Variants in KSR2 observed in about 807,000 individuals in gnomAD.
The protein encoded by KSR2 is kinase suppressor of ras 2.
KSR2 carries 25 observed loss-of-function variants against 107.8 expected under a neutral mutation model. That is an observed-to-expected ratio of 0.23 (90% CI 0.17 to 0.32). The LOEUF (loss-of-function observed/expected upper bound fraction) is 0.32. Among genes scored for constraint, KSR2 ranks in the 10% least tolerant of loss-of-function variants. The pLI is 1.00. For missense variants in KSR2, 887 were observed against 1,268.9 expected, an observed-to-expected ratio of 0.70 and a Z score of 4.57; for synonymous variants, 480 against 507.0, an observed-to-expected ratio of 0.95 and a Z score of 0.71.
intron 3 of KSR2, among the ~76,000 whole-genome samples, chr12:117,810,167 T>C (rs1891147324): frequency 6.6e-6 from 1 of 152,218 alleles, no homozygotes; most frequent in African/African-American, 2.4e-5. Flanking sequence ...TTGTTTTGTT[T>C]GTTTTGTTTT....
chr12:117,667,700 T>C, intron 4 of KSR2, 42 bp from the exon 5 acceptor site: 2 of 1,490,054 alleles, frequency 1.3e-6, no homozygotes, highest in Non-Finnish European at 1.8e-6. Flanking sequence ...AATATATCCA[T>C]AGGTGCACAA....
At chr12:117,828,168 C>T (rs942678939) in intron 3 of KSR2, among the ~76,000 whole-genome samples, 2 of 152,188 alleles carry the variant, frequency 1.3e-5, no homozygotes, top group African/African-American at 2.4e-5. Flanking sequence ...TTCACCGCTG[C>T]GTCCCCAGGG....
chr12:117,626,687 T>C (rs1253543263), intron 5 of KSR2, among the ~76,000 whole-genome samples: 2 of 152,192 alleles, frequency 1.3e-5, no homozygotes, highest in African/African-American at 4.8e-5. Flanking sequence ...CTCTGTTGAT[T>C]TGGGGTGGAG....
At chr12:117,582,993 A>G (rs1242363201) in intron 5 of KSR2, among the ~76,000 whole-genome samples, 2 of 152,228 alleles carry the variant, frequency 1.3e-5, no homozygotes, top group African/African-American at 4.8e-5. Context: ...ACTTATTTTA[A>G]AAAGCAAACC....
intron 6 of KSR2, 43 bp from the exon 7 acceptor site, chr12:117,579,245 C>G (rs373706846): frequency 8.0e-6 from 11 of 1,373,690 alleles, no homozygotes; most frequent in Non-Finnish European, 1.1e-5. Context: ...AAGGAAATGG[C>G]GACTGACCTA....
intron 5 of KSR2, among the ~76,000 whole-genome samples, chr12:117,591,318 C>T (rs1880298852): frequency 6.6e-6 from 1 of 152,120 alleles, no homozygotes; most frequent in African/African-American, 2.4e-5. Context: ...TCTATCAAAG[C>T]AGAGAGAAGA....
chr12:117,534,307 T>A lies in KSR2; in HGVS notation c.1688-2600A>T, dbSNP rs186892871. On this transcript the variant is annotated intron_variant, in intron 10 of 19. Coordinates refer to ENST00000339824, the MANE Select transcript of KSR2 (RefSeq NM_173598.6). ...AAAATCCTGCCAGGACCAGACCCTG[T>A]AGCTCTGAGTCTCTCTGGAGGCCAC... Among the ~76,000 whole-genome samples the A allele has an allele frequency of 1.9e-3, 297 of 152,312 alleles. 1 individual carries two copies. Among genetic ancestry groups the A allele is most frequent in the Middle Eastern group, 0.017 (5 of 294 alleles).
At chr12:117,660,579 G>A (rs1884394267) in intron 5 of KSR2, among the ~76,000 whole-genome samples, 1 of 152,086 alleles carries the variant, frequency 6.6e-6, no homozygotes, top group Non-Finnish European at 1.5e-5. Flanking sequence ...GATCACACCT[G>A]CCAACACCCT....
intron 5 of KSR2, among the ~76,000 whole-genome samples, chr12:117,595,058 AC>A (rs1371547254): frequency 6.6e-6 from 1 of 152,214 alleles, no homozygotes; most frequent in African/African-American, 2.4e-5. Context: ...AGGCTCAGTC[AC>A]CATGAAAGGA....
chr12:117,793,181 CCAAT>C (rs1890339544), intron 3 of KSR2, among the ~76,000 whole-genome samples: 1 of 138,842 alleles, frequency 7.2e-6, no homozygotes, highest in African/African-American at 2.9e-5. Flanking sequence ...TGTACACACA[CCAAT>C]GTGCACACAT....
rs1005579073 is a variant in KSR2, at chr12:117,455,566, C to T, written c.*11633G>A. On this transcript the variant is annotated 3_prime_UTR_variant, in exon 20 of 20. Coordinates refer to ENST00000339824, the MANE Select transcript of KSR2 (RefSeq NM_173598.6). ...ACTCCTCCCTCTCTTCATCGGACTC[C>T]TAGTACCCTGAAGGCAGCACCCACT... 1.3e-5 allele frequency: 2 copies of T among 152,176 alleles called. No individual in the cohort carries two copies. Among genetic ancestry groups the T allele is most frequent in the African/African-American group, 4.8e-5 (2 of 41,434 alleles). 9.4% of individuals were successfully genotyped at this position (152,176 alleles called of 1,614,324 possible). A position where few individuals can be genotyped will look rare whatever the true frequency, so the allele number is the denominator to read the frequency against.
chr12:117,692,988 G>A (rs972235095), intron 4 of KSR2, among the ~76,000 whole-genome samples: 3 of 152,180 alleles, frequency 2.0e-5, no homozygotes, highest in Non-Finnish European at 4.4e-5. Context: ...TGGTGGTTGT[G>A]CAACACTGTG....
intron 4 of KSR2, among the ~76,000 whole-genome samples, chr12:117,694,882 C>T (rs948100916): frequency 7.7e-6 from 1 of 129,886 alleles, no homozygotes; most frequent in Non-Finnish European, 1.6e-5. Context: ...TGGAGCCTCA[C>T]TCTGTTGCCT....
At chr12:117,565,147 T>C (rs1878390304) in intron 7 of KSR2, among the ~76,000 whole-genome samples, 1 of 152,192 alleles carries the variant, frequency 6.6e-6, no homozygotes, top group Non-Finnish European at 1.5e-5. Context: ...GGAATCCAAA[T>C]GCTGGCGTTC....
chr12:117,929,076 A>T (rs1193877765), intron 1 of KSR2, among the ~76,000 whole-genome samples: 1 of 152,242 alleles, frequency 6.6e-6, no homozygotes, highest in Non-Finnish European at 1.5e-5. Context: ...AAGTAGTTGT[A>T]TGACTTCAGA....
intron 5 of KSR2, among the ~76,000 whole-genome samples, chr12:117,628,570 G>A (rs1882647655): frequency 6.6e-6 from 1 of 152,128 alleles, no homozygotes; most frequent in Non-Finnish European, 1.5e-5. Flanking sequence ...CCTTCCTCTG[G>A]AAGCTTCGTC....
At chr12:117,859,391 C>T (rs2137240079) in intron 2 of KSR2, among the ~76,000 whole-genome samples, 1 of 151,502 alleles carries the variant, frequency 6.6e-6, no homozygotes, top group South Asian at 2.1e-4. Flanking sequence ...AGTGATCTGC[C>T]AAAAGTGCTG....
At chr12:117,652,494 CAG>C (rs1883945411) in intron 5 of KSR2, among the ~76,000 whole-genome samples, 2 of 152,214 alleles carry the variant, frequency 1.3e-5, no homozygotes, top group South Asian at 2.1e-4. Flanking sequence ...ATTATAAAAA[CAG>C]AGAATCACAG....
chr12:117,780,414 T>C (rs1027389043), intron 3 of KSR2, among the ~76,000 whole-genome samples: 2 of 152,228 alleles, frequency 1.3e-5, no homozygotes, highest in Admixed American at 1.3e-4. Flanking sequence ...TGTTACAACA[T>C]GGATTAACCT....
Sources: allele counts gnomAD v4.1 joint callset (sites outside exome capture counted in the v4.1 genomes callset), GRCh38; gene constraint gnomAD v4.1.1; transcripts MANE v1.5; gene names NCBI Gene and HGNC (gene_info 2026-07-23, HGNC 2026-07-21).